The following ASAP2 variants were observed in gnomAD, a reference collection of about 807,000 sequenced individuals.
The protein encoded by ASAP2 is ArfGAP with SH3 domain, ankyrin repeat and PH domain 2.
In ASAP2, 45 loss-of-function variants were observed where a neutral mutation model predicts 131.4. That is an observed-to-expected ratio of 0.34 (90% CI 0.27 to 0.44). The LOEUF (loss-of-function observed/expected upper bound fraction) is 0.44, where lower values mean the gene tolerates loss of function less well. ASAP2 is among the 20% of genes least tolerant of loss of function. The probability of loss-of-function intolerance (pLI) is 1.00; values close to 1 mark genes in which losing one functional copy is unlikely to be tolerated. For missense variants in ASAP2, 1,011 were observed against 1,297.0 expected, an observed-to-expected ratio of 0.78 and a Z score of 3.39; for synonymous variants, 510 against 503.0, an observed-to-expected ratio of 1.01 and a Z score of -0.19.
At chr2:9,280,839 G>A (rs558705664) in intron 2 of ASAP2, among the ~76,000 whole-genome samples, 1 of 152,342 alleles carries the variant, frequency 6.6e-6, no homozygotes, top group Admixed American at 6.5e-5. Flanking sequence ...TGTATCTTGT[G>A]CTTTCTGTAC....
chr2:9,283,592 T>C (rs918071981), intron 2 of ASAP2, among the ~76,000 whole-genome samples: 15 of 152,172 alleles, frequency 9.9e-5, no homozygotes, highest in African/African-American at 3.6e-4. Context: ...CGGTGGTGTC[T>C]TTCTCACACT....
At chr2:9,304,477 T>G (rs1230702988) in intron 3 of ASAP2, among the ~76,000 whole-genome samples, 133 of 17,114 alleles carry the variant, frequency 7.8e-3, no homozygotes, top group Middle Eastern at 0.022. Flanking sequence ...AGATATGCGG[T>G]GGAGGGGCTG....
At position 9,393,531 on chromosome 2, in the gene ASAP2, A is replaced by G. The variant is rs746600217; in HGVS notation, c.2568A>G (p.Val856=). 9 of 1,602,888 alleles carry G rather than the reference A, an allele frequency of 5.6e-6. No homozygotes were observed. The South Asian group carries it at 6.7e-5, about 12-fold the overall frequency. Residue 856 remains valine (V), a synonymous_variant, in exon 24 of 28, where the codon GTA becomes GTG. Transcript: ENST00000281419. ...CACCCGTTGCCAAGACGCCCAGCGT[A>G]ATGGAAGCCTTGAGCCAGCCGAGCA... The part of the protein sequence containing the change: ...PPPPVAKTPS[V]MEALSQPSKP...
chr2:9,246,262 T>C (rs1308785071), intron 1 of ASAP2, among the ~76,000 whole-genome samples: 5 of 152,226 alleles, frequency 3.3e-5, no homozygotes, highest in African/African-American at 4.8e-5. Context: ...TAACCACTTA[T>C]TACACTGAGC....
At chr2:9,210,375 GAT>G (rs1661444886) in intron 1 of ASAP2, among the ~76,000 whole-genome samples, 1 of 152,204 alleles carries the variant, frequency 6.6e-6, no homozygotes, top group Non-Finnish European at 1.5e-5. Context: ...GGTTTAGGAA[GAT>G]AGTACATAGC....
At chr2:9,323,322 C>T (rs1196583221) in intron 6 of ASAP2, 72 bp downstream of exon 6, 24 of 1,576,406 alleles carry the variant, frequency 1.5e-5, no homozygotes, top group Non-Finnish European at 2.0e-5. Flanking sequence ...GGGAGCATCT[C>T]ACCGGTACCA....
intron 3 of ASAP2, among the ~76,000 whole-genome samples, chr2:9,317,175 ACT>A (rs150570523): frequency 0.046 from 5,274 of 114,612 alleles, 233 homozygotes; most frequent in African/African-American, 0.14. Flanking sequence ...CTCTCACCAC[ACT>A]CAACACACAC....
Position 9,217,613 on chromosome 2 carries a change from G to T in ASAP2, c.126+10383G>T, listed in dbSNP as rs1662138371. On this transcript the variant is annotated intron_variant, in intron 1 of 27. Coordinates refer to ENST00000281419, the MANE Select transcript of ASAP2 (RefSeq NM_003887.3). This position sits in a 1 kb window ranked among gnomAD's most constrained non-coding sequence, Gnocchi z 4.0. ...ATGTTCTTCTTAGAGGTATGTTTTT[G>T]TTTTTTGTTTTTTTTTTTGAGACGG... Among the ~76,000 whole-genome samples, 1 of 123,794 alleles carries T rather than the reference G, an allele frequency of 8.1e-6. No individual in the cohort carries two copies. Among genetic ancestry groups the T allele is most frequent in the Non-Finnish European group, 1.8e-5 (1 of 56,184 alleles). The allele number at this position is 123,794 out of a possible 152,430, so 81.2% of individuals were successfully genotyped here.
rs1449234736 is a variant in ASAP2, at chr2:9,311,291, G to A, written c.346-7233G>A. ...CTCATGCCTGTGGTCCCAGCTACTC[G>A]GGAGGCAGAGGTGGGAGGATCACTG... On this transcript the variant is annotated intron_variant, in intron 3 of 27. Coordinates refer to ENST00000281419, the MANE Select transcript of ASAP2 (RefSeq NM_003887.3). This position sits in a 1 kb window ranked among gnomAD's most constrained non-coding sequence, Gnocchi z 5.2. Among the ~76,000 whole-genome samples the A allele has an allele frequency of 6.6e-6, 1 of 151,904 alleles. No homozygotes were observed. Among genetic ancestry groups the A allele is most frequent in the Non-Finnish European group, 1.5e-5 (1 of 67,986 alleles).
intron 15 of ASAP2, among the ~76,000 whole-genome samples, chr2:9,363,484 G>A (rs1244878975): frequency 6.6e-6 from 1 of 152,246 alleles, no homozygotes; most frequent in East Asian, 1.9e-4. Flanking sequence ...CATTCTAACA[G>A]GTGTGAGATG....
At chr2:9,247,903 C>G (rs184954004) in intron 1 of ASAP2, among the ~76,000 whole-genome samples, 5 of 152,218 alleles carry the variant, frequency 3.3e-5, no homozygotes, top group African/African-American at 7.2e-5. Context: ...CTCTGCCCCC[C>G]ACACTGATAA....
At chr2:9,243,350 C>T (rs1664111061) in intron 1 of ASAP2, among the ~76,000 whole-genome samples, 1 of 152,194 alleles carries the variant, frequency 6.6e-6, no homozygotes, top group African/African-American at 2.4e-5. Context: ...CCTCGTGATC[C>T]ACCCACCTCG....
Position 9,391,518 on chromosome 2 carries a change from A to G in ASAP2, c.2518+322A>G, listed in dbSNP as rs61196009. On this transcript the variant is annotated intron_variant, in intron 23 of 27. Coordinates refer to ENST00000281419, the MANE Select transcript of ASAP2 (RefSeq NM_003887.3). ...TCCTTTGGCCATTTGGTGATTTTCA[A>G]TATTTTGGGGACAGTCACTTGGATT... Among the ~76,000 whole-genome samples, 35 of 150,102 alleles carry G rather than the reference A, an allele frequency of 2.3e-4. No homozygotes were observed. In the East Asian group the frequency reaches 4.1e-3, roughly 18 times the overall value.
chr2:9,300,633 C>T (rs917306152), intron 3 of ASAP2, among the ~76,000 whole-genome samples: 2 of 152,238 alleles, frequency 1.3e-5, no homozygotes, highest in African/African-American at 4.8e-5. Flanking sequence ...GAAGGATACT[C>T]TGTTTCATTT....
At chr2:9,307,008 C>T (rs1423780291) in intron 3 of ASAP2, among the ~76,000 whole-genome samples, 2 of 152,162 alleles carry the variant, frequency 1.3e-5, no homozygotes, top group Non-Finnish European at 2.9e-5. Context: ...GGCAGTCAAG[C>T]TTGAGCAGCA....
At chr2:9,234,225 T>C (rs1663380019) in intron 1 of ASAP2, among the ~76,000 whole-genome samples, 1 of 152,120 alleles carries the variant, frequency 6.6e-6, no homozygotes, top group Non-Finnish European at 1.5e-5. Flanking sequence ...TCGAGTTCAT[T>C]TTTCTTCTTG....
intron 3 of ASAP2, among the ~76,000 whole-genome samples, chr2:9,317,961 C>T (rs1439740668): frequency 2.0e-5 from 3 of 151,914 alleles, no homozygotes; most frequent in Non-Finnish European, 2.9e-5. Flanking sequence ...CTCACTCAGT[C>T]GTACACACTC....
intron 19 of ASAP2, among the ~76,000 whole-genome samples, 164 bp from the exon 20 acceptor site, chr2:9,380,577 C>T (rs368126758): frequency 6.6e-6 from 1 of 152,324 alleles, no homozygotes; most frequent in Non-Finnish European, 1.5e-5. Context: ...TATACAATTA[C>T]AAGATACATT....
chr2:9,231,355 A>G (rs1356988670), intron 1 of ASAP2, among the ~76,000 whole-genome samples: 1 of 152,114 alleles, frequency 6.6e-6, no homozygotes, highest in African/African-American at 2.4e-5. Context: ...AACTTGCTCT[A>G]GGGCTTAAGT....
Sources: allele counts gnomAD v4.1 joint callset (sites outside exome capture counted in the v4.1 genomes callset), GRCh38; gene constraint gnomAD v4.1.1; non-coding constraint Gnocchi (gnomAD v3.1); transcripts MANE v1.5; gene names NCBI Gene and HGNC (gene_info 2026-07-23, HGNC 2026-07-21).